Variants in ZFAND3 observed in about 807,000 individuals in gnomAD.
ZFAND3 encodes the protein AN1-type zinc finger protein 3.
A neutral mutation model predicts 29.6 loss-of-function variants in ZFAND3; 10 were observed. That is an observed-to-expected ratio of 0.34 (90% confidence interval 0.21 to 0.57). ZFAND3 has a LOEUF of 0.57. ZFAND3 is among the 20% of genes least tolerant of loss of function. ZFAND3 has a pLI of 0.86. For missense variants in ZFAND3, 230 were observed against 304.5 expected (o/e 0.76, Z 1.82); for synonymous variants, 128 against 112.6 (o/e 1.14, Z -0.87).
intron 5 of ZFAND3, among the ~76,000 whole-genome samples, chr6:38,123,355 C>T (rs1038519714): frequency 9.8e-5 from 15 of 152,298 alleles, no homozygotes; most frequent in East Asian, 1.9e-4. Flanking sequence ...AATCAGCCCA[C>T]GTGTCTGTGC....
intron 2 of ZFAND3, among the ~76,000 whole-genome samples, chr6:37,974,343 G>A (rs1474187413): frequency 6.6e-6 from 1 of 151,192 alleles, no homozygotes. Context: ...GGGATTACAG[G>A]CGTGAGCTAC....
chr6:37,828,726 GCAACCTCT>G (rs1763803287), intron 1 of ZFAND3, among the ~76,000 whole-genome samples: 1 of 151,660 alleles, frequency 6.6e-6, no homozygotes, highest in African/African-American at 2.4e-5. Context: ...TTGGCTCACT[GCAACCTCT>G]GCCTCCCGGA....
chr6:37,838,790 GTTT>G (rs1764016169), intron 1 of ZFAND3, among the ~76,000 whole-genome samples: 2 of 152,168 alleles, frequency 1.3e-5, no homozygotes, highest in Non-Finnish European at 2.9e-5. Flanking sequence ...TTGTTTACAA[GTTT>G]TTGTGTGAAC....
chr6:38,129,084 A>T (rs545098700), intron 5 of ZFAND3, among the ~76,000 whole-genome samples: 1 of 152,134 alleles, frequency 6.6e-6, no homozygotes, highest in Non-Finnish European at 1.5e-5. Context: ...ATCATTAATG[A>T]TGTTGAGCAT....
At chr6:37,854,988 G>A (rs1162378933) in intron 1 of ZFAND3, among the ~76,000 whole-genome samples, 1 of 68,770 alleles carries the variant, frequency 1.5e-5, no homozygotes, top group Admixed American at 1.5e-4. Flanking sequence ...TTTTTTTTTG[G>A]TGAGGCATTT....
intron 3 of ZFAND3, among the ~76,000 whole-genome samples, chr6:38,072,828 AC>A (rs1172996182): frequency 6.6e-6 from 1 of 152,164 alleles, no homozygotes; most frequent in Non-Finnish European, 1.5e-5. Flanking sequence ...AAACCATCTC[AC>A]TTTTTGATCC....
At chr6:38,143,705 T>G (rs1400024168) in intron 5 of ZFAND3, among the ~76,000 whole-genome samples, 1 of 152,222 alleles carries the variant, frequency 6.6e-6, no homozygotes, top group African/African-American at 2.4e-5. Flanking sequence ...GTGGCTTTGG[T>G]TCCAGTGCCC....
At chr6:38,045,991 CAA>C (rs1013630340) in intron 2 of ZFAND3, among the ~76,000 whole-genome samples, 5 of 152,290 alleles carry the variant, frequency 3.3e-5, no homozygotes, top group Admixed American at 2.6e-4. Context: ...AACAGCTCTT[CAA>C]AAAGTGTTTT....
At chr6:37,848,046 A>C (rs1231923548) in intron 1 of ZFAND3, among the ~76,000 whole-genome samples, 2 of 152,236 alleles carry the variant, frequency 1.3e-5, no homozygotes, top group Non-Finnish European at 2.9e-5. Flanking sequence ...TGGAACCTCA[A>C]CTGAGAAAGG....
intron 1 of ZFAND3, among the ~76,000 whole-genome samples, chr6:37,869,189 C>T (rs1248778087): frequency 1.3e-5 from 2 of 152,110 alleles, no homozygotes; most frequent in Non-Finnish European, 2.9e-5. Context: ...GAGATGGAGT[C>T]TCGCTCTATC....
intron 1 of ZFAND3, among the ~76,000 whole-genome samples, chr6:37,927,771 A>G (rs1761515719): frequency 6.6e-6 from 1 of 152,204 alleles, no homozygotes; most frequent in African/African-American, 2.4e-5. Context: ...CATTCTCACA[A>G]ACCACCAGAG....
chr6:37,924,885 A>G (rs970289668), intron 1 of ZFAND3, among the ~76,000 whole-genome samples: 3 of 152,114 alleles, frequency 2.0e-5, no homozygotes, highest in Non-Finnish European at 4.4e-5. Context: ...GAACTAGGAT[A>G]TGAGCAACAA....
At chr6:38,130,873 A>G in intron 5 of ZFAND3, among the ~76,000 whole-genome samples, 1 of 152,174 alleles carries the variant, frequency 6.6e-6, no homozygotes. Context: ...GAATAGTGTC[A>G]ATAGGATTAG....
rs114508484 is a variant in ZFAND3, at chr6:38,079,128, G to T, written c.296-3264G>T. The stretch of plus-strand genomic sequence containing the variant: ...ACAGCGCAATTAGTGTAGAATATAT[G>T]TGTGGTGCTGACATGTTCCTGTTCT... On this transcript the variant is annotated intron_variant, in intron 3 of 5. Coordinates refer to ENST00000287218, the MANE Select transcript of ZFAND3 (RefSeq NM_021943.3). Among the ~76,000 whole-genome samples the T allele has an allele frequency of 5.7e-3, 875 of 152,230 alleles. 5 individuals carry two copies. The highest frequency in any genetic ancestry group is 0.01 in the Non-Finnish European group (709 of 68,012).
chr6:37,934,501 C>T (rs1170898722), intron 2 of ZFAND3, among the ~76,000 whole-genome samples: 1 of 145,484 alleles, frequency 6.9e-6, no homozygotes. Context: ...CATCTACATT[C>T]TCTTTATCTG....
intron 1 of ZFAND3, chr6:37,833,057 T>A (rs1561904020): frequency 6.6e-6 from 1 of 152,198 alleles, no homozygotes; most frequent in Non-Finnish European, 1.5e-5. Context: ...GATGGTCCTT[T>A]GTTCATGGCA....
At chr6:38,039,463 C>A (rs969150803) in intron 2 of ZFAND3, among the ~76,000 whole-genome samples, 1 of 152,008 alleles carries the variant, frequency 6.6e-6, no homozygotes, top group Admixed American at 6.6e-5. Flanking sequence ...TATAATTTTC[C>A]CCAGGATTTG....
At chr6:37,826,803 A>G (rs1378478913) in intron 1 of ZFAND3, among the ~76,000 whole-genome samples, 1 of 152,176 alleles carries the variant, frequency 6.6e-6, no homozygotes, top group Non-Finnish European at 1.5e-5. Flanking sequence ...TGTATCCTAG[A>G]ATGGCACTGC....
rs1365246829 is a variant in ZFAND3 at position 38,144,231 on chromosome 6, A to ATATT, written c.530-8003_530-8002insATTT. ...TATATAATATATAATATATATATAT[A>ATATT]TTTTTTTTTTAATAAGGTTGCTTGA... On this transcript the variant is annotated intron_variant, in intron 5 of 5. Transcript: ENST00000287218. Among the ~76,000 whole-genome samples, 38 of 75,272 alleles carry ATATT rather than the reference A, an allele frequency of 5.0e-4. 1 individual carries two copies. Among genetic ancestry groups the ATATT allele is most frequent in the African/African-American group, 1.5e-3 (36 of 23,496 alleles). The allele number at this position is 75,272 out of a possible 152,430, so 49.4% of individuals were successfully genotyped here.
Sources: allele counts gnomAD v4.1 joint callset (sites outside exome capture counted in the v4.1 genomes callset), GRCh38; gene constraint gnomAD v4.1.1; transcripts MANE v1.5; gene names NCBI Gene and HGNC (gene_info 2026-07-23, HGNC 2026-07-21).